The following ARHGAP15 variants were observed in gnomAD, a reference collection of about 807,000 sequenced individuals.
ARHGAP15 encodes Rho GTPase activating protein 15.
ARHGAP15 carries 51 observed loss-of-function variants against 63.7 expected under a neutral mutation model. The ratio of observed to expected loss-of-function variants is 0.80; its 90% confidence interval spans 0.64 to 1.01. The LOEUF (loss-of-function observed/expected upper bound fraction) is 1.01, where lower values mean the gene tolerates loss of function less well. Among genes scored for constraint, ARHGAP15 ranks in the 50% least tolerant of loss-of-function variants. The pLI is 0.00. For missense variants in ARHGAP15, 560 were observed against 564.6 expected (o/e 0.99, Z 0.08); for synonymous variants, 191 against 193.8 (o/e 0.99, Z 0.12).
At position 143,527,205 on chromosome 2, in the gene ARHGAP15, G is replaced by C. The variant is rs182487217; in HGVS notation, c.925+7841G>C. Among the ~76,000 whole-genome samples, 264 of 152,052 alleles carry C rather than the reference G, an allele frequency of 1.7e-3. 3 individuals are homozygous for C. The highest frequency in any genetic ancestry group is 6.3e-3 in the African/African-American group (262 of 41,524). ...ATTAGTCTACACATATATGGTAAAA[G>C]AGACATACAGATTCCAGGTGAAATA... On this transcript the variant is annotated intron_variant, in intron 10 of 13. Transcript: ENST00000295095.
chr2:143,436,332 C>T (rs905269646), intron 7 of ARHGAP15, among the ~76,000 whole-genome samples: 2 of 152,142 alleles, frequency 1.3e-5, no homozygotes, highest in African/African-American at 4.8e-5. Context: ...CGGAATACAA[C>T]ACAATAGTAA....
chr2:143,195,859 A>G (rs1691867985), intron 2 of ARHGAP15, among the ~76,000 whole-genome samples: 1 of 152,180 alleles, frequency 6.6e-6, no homozygotes, highest in Non-Finnish European at 1.5e-5. Flanking sequence ...TTTATGTATA[A>G]CTTTCATAGT....
Position 143,546,250 on chromosome 2 carries a change from A to T in ARHGAP15, c.926-10158A>T, listed in dbSNP as rs190561691. 4.6e-4 allele frequency among the ~76,000 whole-genome samples: 70 copies of T among 152,340 alleles called. No homozygotes were observed. In the East Asian group the frequency reaches 0.013, roughly 29 times the overall value. On this transcript the variant is annotated intron_variant, in intron 10 of 13. Coordinates refer to ENST00000295095, the MANE Select transcript of ARHGAP15 (RefSeq NM_018460.4). ...TCACTTTGTTTAGATGTTAAAAAAA[A>T]TACGGGTGGAGGGATTGAAAAGAAT...
At chr2:143,570,277 C>T (rs553151201) in intron 11 of ARHGAP15, among the ~76,000 whole-genome samples, 1 of 152,308 alleles carries the variant, frequency 6.6e-6, no homozygotes, top group South Asian at 2.1e-4. Context: ...CAAATTTTCC[C>T]TGGAACCTCC....
At chr2:143,213,868 A>T (rs926669350) in intron 3 of ARHGAP15, among the ~76,000 whole-genome samples, 18 of 152,230 alleles carry the variant, frequency 1.2e-4, no homozygotes. Context: ...GATGACAATG[A>T]TGTCACATTT....
intron 12 of ARHGAP15, among the ~76,000 whole-genome samples, chr2:143,687,048 G>A (rs1445515114): frequency 6.6e-6 from 1 of 152,128 alleles, no homozygotes; most frequent in Non-Finnish European, 1.5e-5. Context: ...ATATTAAATG[G>A]GCATCTAATA....
intron 12 of ARHGAP15, among the ~76,000 whole-genome samples, chr2:143,689,711 C>T (rs1176327731): frequency 6.6e-6 from 1 of 152,162 alleles, no homozygotes; most frequent in African/African-American, 2.4e-5. Context: ...CTGTGGCACT[C>T]TAAAAGATAA....
intron 13 of ARHGAP15, among the ~76,000 whole-genome samples, chr2:143,709,924 G>A (rs1684501051): frequency 6.6e-6 from 1 of 152,136 alleles, no homozygotes; most frequent in Non-Finnish European, 1.5e-5. Context: ...TGGTCGTCAG[G>A]GGCCATGCTG....
At chr2:143,339,252 A>G (rs775627950) in intron 6 of ARHGAP15, among the ~76,000 whole-genome samples, 6 of 152,216 alleles carry the variant, frequency 3.9e-5, no homozygotes, top group Non-Finnish European at 7.4e-5. Flanking sequence ...GGTGGCAGGC[A>G]CAGACCTCCC....
At chr2:143,477,786 T>C (rs1691893161) in intron 8 of ARHGAP15, among the ~76,000 whole-genome samples, 1 of 152,214 alleles carries the variant, frequency 6.6e-6, no homozygotes, top group Non-Finnish European at 1.5e-5. Flanking sequence ...ATGGTTCTTA[T>C]CTGCTTTTCC....
chr2:143,280,480 A>G (rs1448342541), intron 6 of ARHGAP15, among the ~76,000 whole-genome samples: 1 of 152,160 alleles, frequency 6.6e-6, no homozygotes, highest in African/African-American at 2.4e-5. Flanking sequence ...CCAACCACTT[A>G]CCTAAGTCAG....
chr2:143,632,132 T>C (rs1182328646), intron 12 of ARHGAP15, among the ~76,000 whole-genome samples: 2 of 152,082 alleles, frequency 1.3e-5, no homozygotes, highest in Non-Finnish European at 2.9e-5. Context: ...AGTTGTTGAT[T>C]TGTTGAAGTT....
At chr2:143,193,699 A>C (rs7607443) in intron 2 of ARHGAP15, among the ~76,000 whole-genome samples, 25,638 of 152,164 alleles carry the variant, frequency 0.17, 2,342 homozygotes, top group Middle Eastern at 0.24. Context: ...AGTGACCTTT[A>C]AACATAGGCA....
chr2:143,381,169 A>G (rs1373075206), intron 6 of ARHGAP15, among the ~76,000 whole-genome samples: 1 of 152,154 alleles, frequency 6.6e-6, no homozygotes, highest in Non-Finnish European at 1.5e-5. Context: ...TCTTCATTCA[A>G]ATTCTCTTTT....
intron 2 of ARHGAP15, among the ~76,000 whole-genome samples, chr2:143,159,074 C>T (rs575072013): frequency 9.2e-5 from 14 of 151,914 alleles, no homozygotes; most frequent in South Asian, 8.3e-4. Flanking sequence ...GAATATTCAC[C>T]GTTTCCATCT....
At chr2:143,154,691 G>T (rs1453281487) in intron 1 of ARHGAP15, among the ~76,000 whole-genome samples, 1 of 151,824 alleles carries the variant, frequency 6.6e-6, no homozygotes, top group African/African-American at 2.4e-5. Context: ...TATGGATGAG[G>T]GGCTCAGCTA....
intron 5 of ARHGAP15, among the ~76,000 whole-genome samples, chr2:143,241,789 C>A (rs1338025321): frequency 6.6e-6 from 1 of 152,094 alleles, no homozygotes; most frequent in Non-Finnish European, 1.5e-5. Flanking sequence ...GAATTAAGAG[C>A]CTGACTTTAT....
At chr2:143,474,020 C>T (rs1691700777) in intron 8 of ARHGAP15, among the ~76,000 whole-genome samples, 1 of 152,214 alleles carries the variant, frequency 6.6e-6, no homozygotes, top group Non-Finnish European at 1.5e-5. Context: ...TGGAATTTGG[C>T]GAAATGAATT....
intron 6 of ARHGAP15, among the ~76,000 whole-genome samples, chr2:143,414,844 G>A (rs933565847): frequency 7.2e-5 from 11 of 152,144 alleles, no homozygotes; most frequent in African/African-American, 2.2e-4. Context: ...AGGCAGAACC[G>A]CTAGAACCTG....
Sources: allele counts gnomAD v4.1 joint callset (sites outside exome capture counted in the v4.1 genomes callset), GRCh38; gene constraint gnomAD v4.1.1; transcripts MANE v1.5; gene names NCBI Gene and HGNC (gene_info 2026-07-23, HGNC 2026-07-21).